ZNF804A: variants seen among roughly 807,000 people sequenced by gnomAD.
The protein encoded by ZNF804A is zinc finger protein 804A.
ZNF804A carries 2 observed loss-of-function variants against 16.5 expected under a neutral mutation model. The ratio of observed to expected loss-of-function variants is 0.12; its 90% confidence interval spans 0.05 to 0.38. The LOEUF (loss-of-function observed/expected upper bound fraction) is 0.38, where lower values mean the gene tolerates loss of function less well. ZNF804A is among the 10% of genes least tolerant of loss of function. The pLI is 0.99. For synonymous variants in ZNF804A, 534 were observed against 489.6 expected (o/e 1.09, Z -1.20); for missense variants, 1,473 against 1,390.7 (o/e 1.06, Z -0.94).
chr2:184,934,486 G>T (rs984124518), intron 3 of ZNF804A, among the ~76,000 whole-genome samples: 8 of 151,986 alleles, frequency 5.3e-5, no homozygotes, highest in Non-Finnish European at 1.0e-4. Flanking sequence ...TCGAAACATT[G>T]TTAGGGATGC....
intron 1 of ZNF804A, among the ~76,000 whole-genome samples, chr2:184,622,237 T>C (rs1477463907): frequency 1.3e-5 from 2 of 151,844 alleles, no homozygotes; most frequent in Admixed American, 6.6e-5. Context: ...CTGTAATCCA[T>C]TTTTCATTAT....
At chr2:184,618,925 T>G (rs2105678077) in intron 1 of ZNF804A, among the ~76,000 whole-genome samples, 1 of 152,254 alleles carries the variant, frequency 6.6e-6, no homozygotes, top group South Asian at 2.1e-4. Context: ...TGCTTCCATC[T>G]TTTCAGAAAC....
chr2:184,842,461 T>A (rs1177969944), intron 1 of ZNF804A, among the ~76,000 whole-genome samples: 1 of 152,108 alleles, frequency 6.6e-6, no homozygotes, highest in Non-Finnish European at 1.5e-5. Context: ...TTGAGAACTA[T>A]TATTTTACCT....
intron 1 of ZNF804A, among the ~76,000 whole-genome samples, chr2:184,855,601 C>T (rs939504145): frequency 4.1e-5 from 6 of 147,350 alleles, no homozygotes; most frequent in East Asian, 4.0e-4. Context: ...TACACATACA[C>T]ATATATATAT....
At chr2:184,846,330 C>T (rs370073030) in intron 1 of ZNF804A, among the ~76,000 whole-genome samples, 101 of 152,190 alleles carry the variant, frequency 6.6e-4, no homozygotes, top group African/African-American at 2.2e-3. Flanking sequence ...GTAATACATA[C>T]GCAGCAGATC....
intron 1 of ZNF804A, among the ~76,000 whole-genome samples, chr2:184,644,864 T>G (rs1227605690): frequency 6.6e-6 from 1 of 152,098 alleles, no homozygotes; most frequent in Non-Finnish European, 1.5e-5. Flanking sequence ...TGTTTAATAT[T>G]GTACCACACT....
At chr2:184,918,721 A>T (rs1425509106) in intron 2 of ZNF804A, among the ~76,000 whole-genome samples, 1 of 152,178 alleles carries the variant, frequency 6.6e-6, no homozygotes, top group Non-Finnish European at 1.5e-5. Flanking sequence ...AGATACTTGC[A>T]CATATACAAA....
chr2:184,888,967 A>T (rs1189396688), intron 2 of ZNF804A, among the ~76,000 whole-genome samples: 2 of 152,050 alleles, frequency 1.3e-5, no homozygotes, highest in African/African-American at 2.4e-5. Flanking sequence ...GATCTGAAAA[A>T]AAAACGTTTA....
intron 1 of ZNF804A, among the ~76,000 whole-genome samples, chr2:184,795,846 G>T (rs1020968735): frequency 6.6e-6 from 1 of 152,102 alleles, no homozygotes; most frequent in East Asian, 1.9e-4. Context: ...TTTCTGGAAA[G>T]ATACAGCCCT....
intron 1 of ZNF804A, among the ~76,000 whole-genome samples, chr2:184,733,237 T>C (rs962236704): frequency 6.6e-6 from 1 of 152,144 alleles, no homozygotes; most frequent in African/African-American, 2.4e-5. Flanking sequence ...CTGTTATTTA[T>C]GGGTGTTGAA....
intron 1 of ZNF804A, among the ~76,000 whole-genome samples, chr2:184,827,495 A>C: frequency 6.8e-6 from 1 of 146,634 alleles, no homozygotes; most frequent in African/African-American, 2.5e-5. Flanking sequence ...TATATATATA[A>C]AAATATATAT....
At chr2:184,650,364 G>A (rs1559117573) in intron 1 of ZNF804A, among the ~76,000 whole-genome samples, 1 of 152,046 alleles carries the variant, frequency 6.6e-6, no homozygotes, top group Non-Finnish European at 1.5e-5. Flanking sequence ...CTCTGAAAGG[G>A]CAAAAACTGG....
chr2:184,688,621 C>G lies in ZNF804A; in HGVS notation c.111+89551C>G, dbSNP rs150724374. Among the ~76,000 whole-genome samples the G allele has an allele frequency of 5.9e-3, 893 of 152,082 alleles. 7 individuals are homozygous for G. Among genetic ancestry groups the G allele is most frequent in the Non-Finnish European group, 0.01 (694 of 67,958 alleles). On this transcript the variant is annotated intron_variant, in intron 1 of 3. Coordinates refer to ENST00000302277, the MANE Select transcript of ZNF804A (RefSeq NM_194250.2). ...TTTACATGTCTCTCAATATACAATA[C>G]TTCAAACCATTTTTAATGTTTACTT... is the stretch of plus-strand genomic sequence containing the variant.
intron 1 of ZNF804A, among the ~76,000 whole-genome samples, chr2:184,639,995 G>A (rs1193277804): frequency 6.6e-6 from 1 of 151,792 alleles, no homozygotes; most frequent in Non-Finnish European, 1.5e-5. Flanking sequence ...GGGCGAGACT[G>A]CGTCTCAAAA....
At chr2:184,895,792 G>T (rs1020525806) in intron 2 of ZNF804A, among the ~76,000 whole-genome samples, 3 of 152,128 alleles carry the variant, frequency 2.0e-5, no homozygotes, top group African/African-American at 7.2e-5. Context: ...AAGTAAATTT[G>T]CAGTAAATCT....
intron 1 of ZNF804A, among the ~76,000 whole-genome samples, chr2:184,689,752 G>A (rs1692699787): frequency 6.6e-6 from 1 of 151,940 alleles, no homozygotes; most frequent in Admixed American, 6.6e-5. Context: ...CAACAGGGCT[G>A]CCATAACAGA....
intron 1 of ZNF804A, among the ~76,000 whole-genome samples, chr2:184,701,603 G>A (rs1423815681): frequency 2.0e-5 from 3 of 151,794 alleles, no homozygotes; most frequent in Non-Finnish European, 4.4e-5. Context: ...AGAAAAGAAA[G>A]GTTTAGTGCC....
intron 1 of ZNF804A, among the ~76,000 whole-genome samples, chr2:184,832,136 C>G (rs1695270534): frequency 6.6e-6 from 1 of 151,940 alleles, no homozygotes; most frequent in African/African-American, 2.4e-5. Flanking sequence ...TCTCTTTTAT[C>G]CACATCATAA....
At chr2:184,677,661 GTTA>G (rs1008918369) in intron 1 of ZNF804A, among the ~76,000 whole-genome samples, 1 of 151,812 alleles carries the variant, frequency 6.6e-6, no homozygotes, top group African/African-American at 2.4e-5. Context: ...TTAAGTAATA[GTTA>G]TTATTATTTA....
Sources: allele counts gnomAD v4.1 joint callset (sites outside exome capture counted in the v4.1 genomes callset), GRCh38; gene constraint gnomAD v4.1.1; transcripts MANE v1.5; gene names NCBI Gene and HGNC (gene_info 2026-07-23, HGNC 2026-07-21).